The following RBMS3 variants were observed in gnomAD, a reference collection of about 807,000 sequenced individuals.
The protein encoded by RBMS3 is RNA binding motif single stranded interacting protein 3.
Under a neutral mutation model 66.8 loss-of-function variants are expected in RBMS3, and 27 were observed. The observed-to-expected ratio is 0.40, with a 90% CI of 0.30 to 0.56. RBMS3 has a LOEUF of 0.56. Ranked by LOEUF, RBMS3 falls within the 20% of genes least tolerant of loss-of-function variation. The probability of loss-of-function intolerance (pLI) is 0.40; values close to 1 mark genes in which losing one functional copy is unlikely to be tolerated. For synonymous variants in RBMS3, 188 were observed against 183.0 expected, an observed-to-expected ratio of 1.03 and a Z score of -0.22; for missense variants, 513 against 549.5, an observed-to-expected ratio of 0.93 and a Z score of 0.66.
chr3:29,352,118 G>A (rs1233720763), intron 1 of RBMS3, among the ~76,000 whole-genome samples: 1 of 151,904 alleles, frequency 6.6e-6, no homozygotes, highest in African/African-American at 2.4e-5. Context: ...CCAAAAAAGA[G>A]TATTAAAAAT....
At chr3:29,893,823 C>T (rs1171870663) in intron 8 of RBMS3, among the ~76,000 whole-genome samples, 1 of 151,476 alleles carries the variant, frequency 6.6e-6, no homozygotes, top group Non-Finnish European at 1.5e-5. Context: ...CTACCTCTTT[C>T]AGGGACCCTT....
intron 4 of RBMS3, among the ~76,000 whole-genome samples, chr3:29,701,715 G>A (rs2052593031): frequency 6.6e-6 from 1 of 152,168 alleles, no homozygotes; most frequent in Non-Finnish European, 1.5e-5. Context: ...AGTTAGGCGG[G>A]CCAGCAGCTG....
intron 3 of RBMS3, among the ~76,000 whole-genome samples, chr3:29,517,213 T>TA (rs1423719308): frequency 1.3e-5 from 2 of 151,180 alleles, no homozygotes; most frequent in African/African-American, 4.9e-5. Flanking sequence ...ACCATGTCTC[T>TA]AAAAAAAGAA....
intron 4 of RBMS3, among the ~76,000 whole-genome samples, chr3:29,680,870 T>C (rs894963026): frequency 1.3e-5 from 2 of 152,204 alleles, no homozygotes; most frequent in Non-Finnish European, 2.9e-5. Context: ...TTCAATACAA[T>C]GAAATACAGG....
At chr3:29,483,727 A>G (rs985105442) in intron 2 of RBMS3, among the ~76,000 whole-genome samples, 2 of 152,194 alleles carry the variant, frequency 1.3e-5, no homozygotes, top group African/African-American at 4.8e-5. Context: ...TTTTTTAACA[A>G]TTGTTTTTCT....
chr3:29,774,145 G>A (rs2056335589), intron 6 of RBMS3, among the ~76,000 whole-genome samples: 1 of 152,008 alleles, frequency 6.6e-6, no homozygotes, highest in Admixed American at 6.6e-5. Flanking sequence ...ATGTACTCAA[G>A]TTAACTGAAT....
At chr3:29,646,815 A>G (rs1233899454) in intron 4 of RBMS3, among the ~76,000 whole-genome samples, 2 of 152,150 alleles carry the variant, frequency 1.3e-5, no homozygotes, top group Admixed American at 1.3e-4. Flanking sequence ...CTTTTAAAGT[A>G]GATATTCTGT....
intron 2 of RBMS3, among the ~76,000 whole-genome samples, chr3:29,453,120 C>A (rs9882831): frequency 6.6e-6 from 1 of 152,046 alleles, no homozygotes; most frequent in African/African-American, 2.4e-5. Context: ...AAGACAGAAG[C>A]CTCAGGGACA....
chr3:29,975,597 AT>A (rs1697532069), intron 12 of RBMS3, among the ~76,000 whole-genome samples: 1 of 151,910 alleles, frequency 6.6e-6, no homozygotes, highest in Admixed American at 6.6e-5. Context: ...TTTTAATAAA[AT>A]TTTTAGAGAT....
intron 4 of RBMS3, among the ~76,000 whole-genome samples, chr3:29,607,431 G>A (rs191949237): frequency 1.6e-4 from 25 of 151,898 alleles, no homozygotes; most frequent in Middle Eastern, 3.4e-3. Flanking sequence ...CTGTGGAAGG[G>A]GCAAACAAGT....
intron 6 of RBMS3, among the ~76,000 whole-genome samples, chr3:29,776,509 G>A (rs963894707): frequency 4.0e-5 from 6 of 151,866 alleles, no homozygotes; most frequent in African/African-American, 1.2e-4. Flanking sequence ...AAAACTTAAA[G>A]TATAGTAAAA....
chr3:29,826,819 T>C (rs1472554213), intron 6 of RBMS3, among the ~76,000 whole-genome samples: 5 of 152,308 alleles, frequency 3.3e-5, no homozygotes, highest in East Asian at 1.9e-4. Flanking sequence ...CTTTCACTTT[T>C]CTAAAATTTA....
intron 1 of RBMS3, among the ~76,000 whole-genome samples, chr3:29,409,172 TA>T (rs10710038): frequency 0.17 from 26,416 of 151,988 alleles, 2,471 homozygotes; most frequent in African/African-American, 0.25. Flanking sequence ...TAGAAATAGA[TA>T]AAAAAAAGTA....
intron 1 of RBMS3, among the ~76,000 whole-genome samples, chr3:29,364,710 G>A (rs1047818235): frequency 1.3e-5 from 2 of 152,154 alleles, no homozygotes; most frequent in South Asian, 4.1e-4. Flanking sequence ...GCATAGATGT[G>A]TGTCTCCTGG....
intron 4 of RBMS3, among the ~76,000 whole-genome samples, chr3:29,596,064 G>A (rs919132587): frequency 6.6e-6 from 1 of 152,164 alleles, no homozygotes; most frequent in African/African-American, 2.4e-5. Context: ...AGGACCAGGA[G>A]TGTTACACCA....
chr3:29,567,549 T>C (rs3773087), intron 3 of RBMS3, among the ~76,000 whole-genome samples: 34,659 of 151,916 alleles, frequency 0.23, 4,428 homozygotes, highest in South Asian at 0.4. Flanking sequence ...ATCAGCGTTG[T>C]CAAGCTGCAA....
intron 4 of RBMS3, among the ~76,000 whole-genome samples, chr3:29,732,080 C>G (rs901921862): frequency 5.3e-5 from 8 of 152,076 alleles, no homozygotes; most frequent in African/African-American, 1.9e-4. Flanking sequence ...ATCACTCTAT[C>G]TTACCCCTCC....
At chr3:29,578,872 G>C in intron 3 of RBMS3, among the ~76,000 whole-genome samples, 1 of 128,498 alleles carries the variant, frequency 7.8e-6, no homozygotes, top group East Asian at 4.3e-4. Context: ...CGCAATCTCG[G>C]CTCACTGCAA....
At chr3:29,618,135 C>T (rs906482285) in intron 4 of RBMS3, among the ~76,000 whole-genome samples, 1 of 152,116 alleles carries the variant, frequency 6.6e-6, no homozygotes, top group African/African-American at 2.4e-5. Flanking sequence ...TACCTCAGAA[C>T]ATTTATCCCT....
Sources: gnomAD v4.1 joint callset for allele counts (sites outside exome capture counted in the v4.1 genomes callset) on GRCh38, gnomAD v4.1.1 for gene constraint, MANE v1.5 for transcripts, NCBI Gene and HGNC (gene_info 2026-07-23, HGNC 2026-07-21) for gene names.